TRIM37: variants seen among roughly 807,000 people sequenced by gnomAD.
The protein encoded by TRIM37 is tripartite motif containing 37.
Under a neutral mutation model 129.8 loss-of-function variants are expected in TRIM37, and 80 were observed. That is an observed-to-expected ratio of 0.62 (90% CI 0.51 to 0.74). The LOEUF is 0.74. Among genes scored for constraint, TRIM37 ranks in the 30% least tolerant of loss-of-function variants. TRIM37 has a pLI of 0.00. For synonymous variants in TRIM37, 389 were observed against 387.1 expected (o/e 1.00, Z -0.06); for missense variants, 1,054 against 1,176.5 (o/e 0.90, Z 1.52).
intron 22 of TRIM37, among the ~76,000 whole-genome samples, chr17:59,011,559 A>C (rs558263688): frequency 6.6e-6 from 1 of 152,368 alleles, no homozygotes. Context: ...AATATCATTA[A>C]GAGAGTTGAC....
At chr17:59,054,599 G>A (rs1487938671) in intron 13 of TRIM37, among the ~76,000 whole-genome samples, 1 of 151,912 alleles carries the variant, frequency 6.6e-6, no homozygotes, top group Non-Finnish European at 1.5e-5. Flanking sequence ...ACGGCACCCA[G>A]CCAATGCCCA....
rs886653124 is a variant in TRIM37, at chr17:59,051,290, C to T, written c.1238G>A (p.Arg413Gln). Residue 413 changes from arginine to glutamine, a missense_variant, in exon 14 of 24, where the codon CGG (arginine) becomes CAG (glutamine). Physicochemically the swap from Arg to Gln is conservative, Grantham distance 43. Coordinates refer to ENST00000262294, the MANE Select transcript of TRIM37 (RefSeq NM_015294.6). ...VRSPTFFQKS[R>Q]DQHWYITQLE... ...CTGAGTAATGTACCAATGCTGGTCC[C>T]GGGATTTTTGAAAGAAAGTTGGTGA... is the stretch of plus-strand genomic sequence containing the variant. 3.1e-6 allele frequency: 5 copies of T among 1,613,566 alleles called. No homozygotes were observed. Among genetic ancestry groups the T allele is most frequent in the Non-Finnish European group, 4.2e-6 (5 of 1,179,860 alleles).
chr17:58,985,307 AAAG>A (rs2031696172), intron 24 of TRIM37: 1 of 152,560 alleles, frequency 6.6e-6, no homozygotes, highest in Admixed American at 6.5e-5. Flanking sequence ...GAACATTTAA[AAAG>A]AAGATTTGCT....
the TRIM37 span, among the ~76,000 whole-genome samples, chr17:58,973,254 A>C: frequency 6.6e-6 from 1 of 151,874 alleles, no homozygotes; most frequent in Non-Finnish European, 1.5e-5. Flanking sequence ...CATCTCTATT[A>C]AAAATACAAA....
intron 22 of TRIM37, among the ~76,000 whole-genome samples, chr17:59,009,431 C>T (rs1369075299): frequency 6.7e-6 from 1 of 148,220 alleles, no homozygotes; most frequent in Non-Finnish European, 1.5e-5. Flanking sequence ...GCCCAACCTT[C>T]CAATTTCTTT....
chr17:59,065,499 A>G (rs1244421187), intron 9 of TRIM37, among the ~76,000 whole-genome samples: 1 of 152,228 alleles, frequency 6.6e-6, no homozygotes, highest in Non-Finnish European at 1.5e-5. Context: ...AGAGAACTGT[A>G]TTATAATCAC....
chr17:58,974,265 A>G, the TRIM37 span, among the ~76,000 whole-genome samples: 1 of 152,174 alleles, frequency 6.6e-6, no homozygotes, highest in Non-Finnish European at 1.5e-5. Flanking sequence ...ATTTCCATGA[A>G]TTTTAAAATG....
chr17:59,089,303 G>A (rs2044063780), intron 3 of TRIM37, among the ~76,000 whole-genome samples: 1 of 151,748 alleles, frequency 6.6e-6, no homozygotes, highest in Admixed American at 6.6e-5. Context: ...TGTCCAAAAC[G>A]ATAGCCACTA....
At chr17:59,063,457 C>T (rs1568140939) in intron 10 of TRIM37, among the ~76,000 whole-genome samples, 1 of 152,276 alleles carries the variant, frequency 6.6e-6, no homozygotes. Context: ...GGATTACAAG[C>T]TTAAGCCACC....
At chr17:59,070,253 T>C (rs912275460) in intron 9 of TRIM37, among the ~76,000 whole-genome samples, 1 of 152,198 alleles carries the variant, frequency 6.6e-6, no homozygotes, top group African/African-American at 2.4e-5. Context: ...TAGGATACTT[T>C]TTGCCATAAT....
intron 17 of TRIM37, among the ~76,000 whole-genome samples, chr17:59,039,244 G>C (rs1363676124): frequency 6.6e-6 from 1 of 152,004 alleles, no homozygotes; most frequent in African/African-American, 2.4e-5. Context: ...GTTGTACTTG[G>C]CCAACTTATT....
chr17:59,064,197 G>C (rs1376034003), intron 10 of TRIM37, 158 bp downstream of exon 10: 2 of 649,610 alleles, frequency 3.1e-6, no homozygotes, highest in Admixed American at 6.1e-5. Flanking sequence ...ATATAATCCA[G>C]CACAAATTAT....
chr17:59,023,005 T>C (rs1382893667), intron 19 of TRIM37, among the ~76,000 whole-genome samples: 1 of 152,178 alleles, frequency 6.6e-6, no homozygotes, highest in Non-Finnish European at 1.5e-5. Flanking sequence ...AGAGAAAGAT[T>C]GAATATATTA....
rs1285448107 is a variant in TRIM37, at chr17:59,081,950, A to T, written c.370-731T>A. 6.0e-3 allele frequency among the ~76,000 whole-genome samples: 691 copies of T among 116,090 alleles called. 10 individuals carry two copies. The highest frequency in any genetic ancestry group is 0.02 in the African/African-American group (560 of 28,212). 76.2% of individuals were successfully genotyped at this position (116,090 alleles called of 152,430 possible). A position where few individuals can be genotyped will look rare whatever the true frequency, so the allele number is the denominator to read the frequency against. On this transcript the variant is annotated intron_variant, in intron 5 of 23. Transcript: ENST00000262294. ...AATAATAAAAACCAAAAAAAAAAAA[A>T]AATAAAAAAAAAAAAATAATAATAA... is the stretch of plus-strand genomic sequence containing the variant.
chr17:59,000,538 T>C (rs188955952), intron 23 of TRIM37, among the ~76,000 whole-genome samples: 2 of 152,042 alleles, frequency 1.3e-5, no homozygotes, highest in Non-Finnish European at 2.9e-5. Flanking sequence ...GAGGCAGAAG[T>C]TGCAGTGAGC....
At chr17:58,978,067 T>A (rs999792245), downstream of TRIM37, among the ~76,000 whole-genome samples, 2 of 152,228 alleles carry the variant, frequency 1.3e-5, no homozygotes, top group Non-Finnish European at 2.9e-5. Flanking sequence ...CTATAACAGA[T>A]ACTAGAAATA....
chr17:59,027,680 G>A (rs2037393710), intron 19 of TRIM37, among the ~76,000 whole-genome samples: 1 of 152,186 alleles, frequency 6.6e-6, no homozygotes, highest in Non-Finnish European at 1.5e-5. Context: ...TCTTTGTAAA[G>A]TGTAAATCAG....
chr17:59,103,181 CAGAA>C (rs1270557011), intron 2 of TRIM37, among the ~76,000 whole-genome samples: 4 of 152,002 alleles, frequency 2.6e-5, no homozygotes. Context: ...CCAGCTGAAA[CAGAA>C]AGTTTGAGGT....
At chr17:59,099,556 T>C (rs1309110798) in intron 2 of TRIM37, among the ~76,000 whole-genome samples, 1 of 152,016 alleles carries the variant, frequency 6.6e-6, no homozygotes, top group Non-Finnish European at 1.5e-5. Context: ...TAGCACAAAA[T>C]GGGGGGCACT....
Sources: gnomAD v4.1 joint callset for allele counts (sites outside exome capture counted in the v4.1 genomes callset) on GRCh38, gnomAD v4.1.1 for gene constraint, MANE v1.5 for transcripts, NCBI Gene and HGNC (gene_info 2026-07-23, HGNC 2026-07-21) for gene names.